The following COL5A2 variants were observed in gnomAD, a reference collection of about 807,000 sequenced individuals.
The protein encoded by COL5A2 is collagen type V alpha 2 chain, also known as collagen alpha-2(V) chain.
COL5A2 carries 23 observed loss-of-function variants against 208.2 expected under a neutral mutation model. That is an observed-to-expected ratio of 0.11 (90% CI 0.08 to 0.16). The LOEUF is 0.16. Ranked by LOEUF, COL5A2 falls within the 10% of genes least tolerant of loss-of-function variation. COL5A2 has a pLI of 1.00. For synonymous variants in COL5A2, 625 were observed against 628.5 expected (o/e 0.99, Z 0.08); for missense variants, 1,590 against 1,956.4 (o/e 0.81, Z 3.53).
In COL5A2 at chr2:189,154,858, G is replaced by T. The variant is rs541219062; in HGVS notation, c.97+24650C>A. ...TTCACTTTTGTATATATTTTACCTG[G>T]CATAAAACTCGAAATAAAATTAGGT... On this transcript the variant is annotated intron_variant, in intron 1 of 53. Transcript: ENST00000374866. 2.6e-5 allele frequency among the ~76,000 whole-genome samples: 4 copies of T among 152,112 alleles called. No homozygotes were observed. The East Asian group carries it at 7.7e-4, about 29-fold the overall frequency.
rs538758154 is a variant in COL5A2, at chr2:189,032,764, C to T, written c.*1306G>A. On this transcript the variant is annotated 3_prime_UTR_variant, in exon 54 of 54. Coordinates refer to ENST00000374866, the MANE Select transcript of COL5A2 (RefSeq NM_000393.5). ...GTATGACAGAGGAACAGTGAACAAG[C>T]ATTGGAACGATGCTCTTTCTTTCAG... The T allele has an allele frequency of 6.6e-6, 1 of 152,666 alleles. No individual in the cohort carries two copies. Among genetic ancestry groups the T allele is most frequent in the East Asian group, 1.9e-4 (1 of 5,180 alleles). 9.5% of individuals were successfully genotyped at this position (152,666 alleles called of 1,614,324 possible).
At chr2:189,167,277 T>G (rs1455408660) in intron 1 of COL5A2, among the ~76,000 whole-genome samples, 1 of 152,202 alleles carries the variant, frequency 6.6e-6, no homozygotes, top group Admixed American at 6.5e-5. Flanking sequence ...ATACTAAAAC[T>G]TACCAATTCT....
intron 1 of COL5A2, among the ~76,000 whole-genome samples, chr2:189,201,671 T>A (rs567921906): frequency 6.6e-6 from 1 of 152,104 alleles, no homozygotes; most frequent in East Asian, 1.9e-4. Flanking sequence ...ACACATTGCA[T>A]TGAAACTGTA....
chr2:189,326,186 A>C, the COL5A2 span, among the ~76,000 whole-genome samples: 1 of 152,152 alleles, frequency 6.6e-6, no homozygotes, highest in Non-Finnish European at 1.5e-5. Context: ...TCCATTGTGC[A>C]GTTAAAATAT....
chr2:189,281,566 G>C, the COL5A2 span, among the ~76,000 whole-genome samples: 1 of 152,190 alleles, frequency 6.6e-6, no homozygotes, highest in East Asian at 1.9e-4. Context: ...CTTCATGTTT[G>C]ATTCATGAGG....
the COL5A2 span, among the ~76,000 whole-genome samples, chr2:189,378,845 T>C: frequency 6.6e-6 from 1 of 152,200 alleles, no homozygotes; most frequent in Admixed American, 6.5e-5. Flanking sequence ...AAATATGAGA[T>C]ACTAAGTAAT....
At chr2:189,172,339 A>G (rs1287427548) in intron 1 of COL5A2, among the ~76,000 whole-genome samples, 1 of 152,238 alleles carries the variant, frequency 6.6e-6, no homozygotes, top group South Asian at 2.1e-4. Context: ...CAAGTCCAGG[A>G]GGTGCTTCAA....
intron 12 of COL5A2, among the ~76,000 whole-genome samples, chr2:189,081,907 T>C (rs754579366): frequency 6.6e-6 from 1 of 152,210 alleles, no homozygotes; most frequent in Non-Finnish European, 1.5e-5. Flanking sequence ...TATTATGGCC[T>C]ATATTAATTT....
At chr2:189,069,201 C>T (rs1686217839) in intron 18 of COL5A2, among the ~76,000 whole-genome samples, 3 of 152,176 alleles carry the variant, frequency 2.0e-5, no homozygotes, top group Admixed American at 2.0e-4. Context: ...TTTCTTCCCA[C>T]ACCTATCAGA....
At chr2:189,052,886 T>C in intron 39 of COL5A2, 25 bp downstream of exon 39, 3 of 1,612,626 alleles carry the variant, frequency 1.9e-6, no homozygotes, top group Non-Finnish European at 2.5e-6. Flanking sequence ...TTGACTCAAG[T>C]TATGCCTTTT....
chr2:189,092,205 C>G (rs1686803036), intron 7 of COL5A2, 105 bp downstream of exon 7: 2 of 775,136 alleles, frequency 2.6e-6, no homozygotes, highest in South Asian at 3.0e-5. Context: ...ACTGCTCTTA[C>G]AGTCAAGTGT....
At chr2:189,250,542 T>C in the COL5A2 span, among the ~76,000 whole-genome samples, 2 of 152,204 alleles carry the variant, frequency 1.3e-5, no homozygotes, top group Non-Finnish European at 2.9e-5. Flanking sequence ...TATTATTTTC[T>C]GCAACCTCCT....
At chr2:189,242,766 T>C in the COL5A2 span, among the ~76,000 whole-genome samples, 4 of 152,178 alleles carry the variant, frequency 2.6e-5, no homozygotes, top group African/African-American at 9.7e-5. Flanking sequence ...CTGAACTTCA[T>C]GGTGTGAGGA....
intron 11 of COL5A2, 72 bp from the exon 12 acceptor site, chr2:189,084,109 T>C: frequency 9.9e-7 from 1 of 1,010,756 alleles, no homozygotes. Flanking sequence ...AACTAAATGA[T>C]AAATAAATTA....
the COL5A2 span, among the ~76,000 whole-genome samples, chr2:189,244,807 T>C: frequency 1.3e-5 from 2 of 152,214 alleles, no homozygotes; most frequent in South Asian, 4.1e-4. Context: ...ATTTGCTGTA[T>C]TAGTCCATTT....
intron 1 of COL5A2, among the ~76,000 whole-genome samples, chr2:189,204,133 G>T (rs1689115081): frequency 6.6e-6 from 1 of 152,164 alleles, no homozygotes; most frequent in Admixed American, 6.5e-5. Flanking sequence ...TCCTGACCTT[G>T]TGATCCGCCC....
intron 26 of COL5A2, 33 bp from the exon 27 acceptor site, chr2:189,063,303 T>C (rs1349121389): frequency 6.4e-7 from 1 of 1,568,226 alleles, no homozygotes; most frequent in Admixed American, 1.7e-5. Flanking sequence ...GTAAGTTTCA[T>C]GTAAGTTGTT....
intron 47 of COL5A2, among the ~76,000 whole-genome samples, chr2:189,044,129 G>A (rs1685615560): frequency 6.6e-6 from 1 of 152,116 alleles, no homozygotes; most frequent in African/African-American, 2.4e-5. Context: ...GTTGCTTTTA[G>A]TGTTTTCCCA....
intron 25 of COL5A2, among the ~76,000 whole-genome samples, chr2:189,064,258 T>A (rs1030478744): frequency 5.6e-5 from 4 of 71,986 alleles, no homozygotes; most frequent in Non-Finnish European, 8.4e-5. Flanking sequence ...TATTTATAAA[T>A]TCTTTACTTG....
Sources: allele counts gnomAD v4.1 joint callset (sites outside exome capture counted in the v4.1 genomes callset), GRCh38; gene constraint gnomAD v4.1.1; transcripts MANE v1.5; gene names NCBI Gene and HGNC (gene_info 2026-07-23, HGNC 2026-07-21).